NAV3: variants seen among roughly 807,000 people sequenced by gnomAD.
NAV3 encodes pore membrane and/or filament interacting like protein 1.
A neutral mutation model predicts 244.7 loss-of-function variants in NAV3; 87 were observed. The ratio of observed to expected loss-of-function variants is 0.36; its 90% CI spans 0.30 to 0.42. The LOEUF (loss-of-function observed/expected upper bound fraction) is 0.42. Ranked by LOEUF, NAV3 falls within the 20% of genes least tolerant of loss-of-function variation. NAV3 has a pLI of 1.00. For synonymous variants in NAV3, 1,126 were observed against 1,042.2 expected (o/e 1.08, Z -1.55); for missense variants, 2,663 against 2,893.3 (o/e 0.92, Z 1.83).
chr12:78,163,658 C>A (rs1957659906), intron 23 of NAV3, among the ~76,000 whole-genome samples: 1 of 151,970 alleles, frequency 6.6e-6, no homozygotes. Context: ...CCAATAGCTG[C>A]TAAAAGAAGA....
intron 9 of NAV3, among the ~76,000 whole-genome samples, chr12:78,037,687 C>T (rs1216681986): frequency 1.3e-5 from 2 of 152,086 alleles, no homozygotes; most frequent in African/African-American, 4.8e-5. Flanking sequence ...AATAAGTTAA[C>T]ATTTTAAAAC....
intron 2 of NAV3, among the ~76,000 whole-genome samples, chr12:77,602,403 A>G (rs1369039058): frequency 6.6e-6 from 1 of 152,042 alleles, no homozygotes; most frequent in African/African-American, 2.4e-5. Context: ...GATATATTAA[A>G]TTTGAAGTTT....
intron 5 of NAV3, among the ~76,000 whole-genome samples, chr12:77,989,656 C>T (rs1047912260): frequency 2.0e-5 from 3 of 152,084 alleles, no homozygotes; most frequent in Non-Finnish European, 4.4e-5. Flanking sequence ...GGACAAAAAT[C>T]ATGAAATTGA....
chr12:77,951,700 A>C (rs1890900683), intron 3 of NAV3, among the ~76,000 whole-genome samples: 1 of 152,168 alleles, frequency 6.6e-6, no homozygotes, highest in African/African-American at 2.4e-5. Flanking sequence ...CTGGATTAAG[A>C]AAATGTGGCA....
intron 2 of NAV3, among the ~76,000 whole-genome samples, chr12:77,734,091 A>G (rs140229588): frequency 0.011 from 1,689 of 152,052 alleles, 35 homozygotes; most frequent in African/African-American, 0.039. Context: ...TAATGGAGGA[A>G]CATTTCAATG....
intron 2 of NAV3, among the ~76,000 whole-genome samples, chr12:77,730,089 A>G (rs1877054326): frequency 6.6e-6 from 1 of 152,054 alleles, no homozygotes. Context: ...AACTCTACTT[A>G]GTAACACAAA....
intron 2 of NAV3, among the ~76,000 whole-genome samples, chr12:77,808,360 T>C (rs912354901): frequency 3.3e-4 from 50 of 152,188 alleles, no homozygotes; most frequent in African/African-American, 1.1e-3. Flanking sequence ...ATGGGGTTTT[T>C]GTGTGGACAT....
At chr12:78,134,970 T>A (rs1956311137) in intron 18 of NAV3, among the ~76,000 whole-genome samples, 1 of 152,164 alleles carries the variant, frequency 6.6e-6, no homozygotes, top group Non-Finnish European at 1.5e-5. Context: ...ATTTGGAAAT[T>A]CTTGTGTGTC....
At chr12:78,037,122 T>G in intron 9 of NAV3, 1 of 703,022 alleles carries the variant, frequency 1.4e-6, no homozygotes, top group South Asian at 1.5e-5. Context: ...CAGCTCAGCC[T>G]GGAACCTCCT....
intron 20 of NAV3, chr12:78,144,929 AAAAAAAAAAAAAAAAAAAG>A (rs1956796445): frequency 5.3e-5 from 8 of 150,940 alleles, no homozygotes; most frequent in South Asian, 1.7e-4. Flanking sequence ...AAAAAAAAAA[AAAAAAAAAAAAAAAAAAAG>A]AAAGAAAGAA....
At chr12:77,572,562 AC>A (rs1868877418) in intron 2 of NAV3, among the ~76,000 whole-genome samples, 1 of 151,698 alleles carries the variant, frequency 6.6e-6, no homozygotes. Flanking sequence ...GTTCTCTGAG[AC>A]CCAGGGTGAG....
chr12:78,148,700 C>G, intron 21 of NAV3, 142 bp from the exon 22 acceptor site: 1 of 656,516 alleles, frequency 1.5e-6, no homozygotes, highest in Non-Finnish European at 2.7e-6. Context: ...AGTCAGTGTT[C>G]ATATCCTTTA....
chr12:78,017,288 AG>A (rs2136740886), intron 8 of NAV3, among the ~76,000 whole-genome samples: 1 of 152,214 alleles, frequency 6.6e-6, no homozygotes, highest in South Asian at 2.1e-4. Context: ...TAACAGATGA[AG>A]GACCTGGCTT....
chr12:78,036,727 A>G, intron 9 of NAV3: 3 of 589,600 alleles, frequency 5.1e-6, no homozygotes, highest in South Asian at 2.1e-5. Flanking sequence ...CTATATCTCT[A>G]GAATCTTCTG....
intron 2 of NAV3, among the ~76,000 whole-genome samples, chr12:77,755,607 C>CCTTCCTTCCT (rs1565800414): frequency 3.4e-5 from 2 of 58,248 alleles, no homozygotes; most frequent in Non-Finnish European, 7.0e-5. Flanking sequence ...CCCTCCCTCC[C>CCTTCCTTCCT]TCCCTCCTTC....
At chr12:77,813,542 A>G (rs1359555641) in intron 2 of NAV3, among the ~76,000 whole-genome samples, 2 of 152,142 alleles carry the variant, frequency 1.3e-5, no homozygotes, top group African/African-American at 4.8e-5. Context: ...TTCTCTGTGC[A>G]ATTCTGCATC....
intron 2 of NAV3, among the ~76,000 whole-genome samples, chr12:77,682,077 C>G (rs988086356): frequency 1.3e-5 from 2 of 152,066 alleles, no homozygotes; most frequent in African/African-American, 4.8e-5. Flanking sequence ...ATCCCTTGAG[C>G]TTATTCCTCC....
intron 2 of NAV3, among the ~76,000 whole-genome samples, chr12:77,733,900 A>C (rs1206953888): frequency 6.7e-6 from 1 of 150,236 alleles, no homozygotes; most frequent in African/African-American, 2.5e-5. Flanking sequence ...TTTCTAAATA[A>C]ATGAGAGGTG....
intron 2 of NAV3, among the ~76,000 whole-genome samples, chr12:77,770,659 T>C (rs1185624522): frequency 6.6e-6 from 1 of 152,194 alleles, no homozygotes; most frequent in Non-Finnish European, 1.5e-5. Context: ...CCTGCTTTTA[T>C]ATGAAGTCTA....
Sources: allele counts gnomAD v4.1 joint callset (sites outside exome capture counted in the v4.1 genomes callset), GRCh38; gene constraint gnomAD v4.1.1; transcripts MANE v1.5; gene names NCBI Gene and HGNC (gene_info 2026-07-23, HGNC 2026-07-21).